ANKRD28: variants seen among roughly 807,000 people sequenced by gnomAD.
ANKRD28 encodes ankyrin repeat domain 28, also known as serine/threonine-protein phosphatase 6 regulatory ankyrin repeat subunit A.
Under a neutral mutation model 126.5 loss-of-function variants are expected in ANKRD28, and 44 were observed. The observed-to-expected ratio is 0.35, with a 90% CI of 0.27 to 0.45. The LOEUF (loss-of-function observed/expected upper bound fraction) is 0.45. ANKRD28 is among the 20% of genes least tolerant of loss of function. ANKRD28 has a pLI of 1.00. For missense variants in ANKRD28, 1,110 were observed against 1,316.6 expected, an observed-to-expected ratio of 0.84 and a Z score of 2.43; for synonymous variants, 442 against 468.5, an observed-to-expected ratio of 0.94 and a Z score of 0.73.
chr3:15,834,499 C>T (rs1449058597), intron 1 of ANKRD28, among the ~76,000 whole-genome samples: 1 of 151,994 alleles, frequency 6.6e-6, no homozygotes, highest in African/African-American at 2.4e-5. Context: ...CCTCCACGTG[C>T]TCTTGAACAT....
intron 14 of ANKRD28, among the ~76,000 whole-genome samples, chr3:15,706,336 T>C (rs981341340): frequency 4.0e-5 from 6 of 150,982 alleles, no homozygotes; most frequent in Non-Finnish European, 5.9e-5. Flanking sequence ...TGAGAACATG[T>C]GGTGTTTGGT....
At chr3:15,718,033 G>T (rs1014706980) in intron 8 of ANKRD28, among the ~76,000 whole-genome samples, 1 of 152,092 alleles carries the variant, frequency 6.6e-6, no homozygotes, top group African/African-American at 2.4e-5. Context: ...TTATAATAAA[G>T]GGCAAGTGTA....
chr3:15,729,792 C>T (rs1447151371), intron 6 of ANKRD28, among the ~76,000 whole-genome samples: 1 of 152,148 alleles, frequency 6.6e-6, no homozygotes, highest in Non-Finnish European at 1.5e-5. Flanking sequence ...TAGATATTTA[C>T]AGCCTCTTTC....
At chr3:15,832,367 A>C (rs1018761387) in intron 1 of ANKRD28, among the ~76,000 whole-genome samples, 3 of 152,208 alleles carry the variant, frequency 2.0e-5, no homozygotes, top group Non-Finnish European at 2.9e-5. Context: ...GTGCTGAGCA[A>C]AAGTGTCTCT....
At chr3:15,754,831 T>C (rs1223782536) in intron 3 of ANKRD28, among the ~76,000 whole-genome samples, 1 of 152,158 alleles carries the variant, frequency 6.6e-6, no homozygotes, top group South Asian at 2.1e-4. Context: ...AATATGTATA[T>C]ATCGGCCGGG....
intron 18 of ANKRD28, among the ~76,000 whole-genome samples, chr3:15,689,307 G>C (rs2068509837): frequency 6.6e-6 from 1 of 152,200 alleles, no homozygotes; most frequent in African/African-American, 2.4e-5. Context: ...CCCTACCTAA[G>C]CTTTGACGGT....
rs564633541 is a variant in ANKRD28 at position 15,773,493 on chromosome 3, T to G, written c.202-7181A>C. On this transcript the variant is annotated intron_variant, in intron 2 of 27. Transcript: ENST00000683139. ...TACAAAAATTAGCTGGGTGTGGTGG[T>G]GTGCGCCTGTAATCCCAGTTACTTG... Among the ~76,000 whole-genome samples, 5 of 152,108 alleles carry G rather than the reference T, an allele frequency of 3.3e-5. No individual in the cohort carries two copies. The South Asian group carries it at 1.0e-3, about 32-fold the overall frequency.
At chr3:15,735,095 TCATA>T (rs1488307757) in intron 6 of ANKRD28, among the ~76,000 whole-genome samples, 5 of 152,190 alleles carry the variant, frequency 3.3e-5, no homozygotes, top group African/African-American at 1.2e-4. Flanking sequence ...CCTTATATTC[TCATA>T]CAAACAAAAA....
rs1160213003 is a variant in ANKRD28 at position 15,668,902 on chromosome 3, C to G, written c.*1368G>C. The G allele has an allele frequency of 1.3e-5, 2 of 152,526 alleles. No individual in the cohort carries two copies. The highest frequency in any genetic ancestry group is 3.8e-4 in the East Asian group (2 of 5,200). The allele number at this position is 152,526 out of a possible 1,614,324, so 9.4% of individuals were successfully genotyped here. A position where few individuals can be genotyped will look rare whatever the true frequency, so the allele number is the denominator to read the frequency against. ...TTTGTTGCAATTTATAGAACTTTACCCATACCTGTAAGACCCTCAATGTAT... is the reference window on the plus strand; with the variant it reads ...TTTGTTGCAATTTATAGAACTTTACGCATACCTGTAAGACCCTCAATGTAT... On this transcript the variant is annotated 3_prime_UTR_variant, in exon 28 of 28. Transcript: ENST00000683139.
intron 1 of ANKRD28, among the ~76,000 whole-genome samples, chr3:15,835,750 A>G (rs942693086): frequency 1.3e-5 from 2 of 152,206 alleles, no homozygotes; most frequent in Admixed American, 6.5e-5. Context: ...ATGATCCCCA[A>G]TTGAGAAGAT....
At position 15,721,096 on chromosome 3, in the gene ANKRD28, G is replaced by A; in HGVS notation, c.815C>T (p.Pro272Leu). ...TCCATTATAGCAGGCTACATGAAGA[G>A]GTGTATTTCCATAGGCATTTGGTTC... ...MNEPNAYGNT[P>L]LHVACYNGQD... Residue 272 changes from proline (P) to leucine (L), a missense_variant, in exon 8 of 28, where the codon CCT (proline) becomes CTT (leucine). Pro to Leu is a moderately conservative substitution (Grantham distance 98). Transcript: ENST00000683139. 6.2e-7 allele frequency: 1 copy of A among 1,613,002 alleles called. No individual in the cohort carries two copies. Among genetic ancestry groups the A allele is most frequent in the Non-Finnish European group, 8.5e-7 (1 of 1,179,540 alleles).
chr3:15,696,179 T>C lies in ANKRD28; in HGVS notation c.1614A>G (p.Ala538=), dbSNP rs917186553. ...GACCATAAGCAGCTGAATAATGAAC[T>C]GCGTTGTATCCTTGCTTATCACGGA... is the stretch of plus-strand genomic sequence containing the variant. ...PGIRDKQGYN[A]VHYSAAYGHR... The change falls in exon 15 of 28, where the codon GCA becomes GCG. Residue 538 remains alanine, a synonymous_variant. Coordinates refer to ENST00000683139, the MANE Select transcript of ANKRD28 (RefSeq NM_001349278.2). 1.3e-6 allele frequency: 2 copies of C among 1,594,818 alleles called. No homozygotes were observed. The highest frequency in any genetic ancestry group is 1.7e-6 in the Non-Finnish European group (2 of 1,168,996).
At chr3:15,859,339 C>A in intron 1 of ANKRD28, 1 of 1,520,688 alleles carries the variant, frequency 6.6e-7, no homozygotes, top group Non-Finnish European at 8.8e-7. Flanking sequence ...CCCTTCCTTC[C>A]CGGACGGCGC....
At chr3:15,743,681 T>C (rs1181265232) in intron 4 of ANKRD28, among the ~76,000 whole-genome samples, 1 of 152,096 alleles carries the variant, frequency 6.6e-6, no homozygotes, top group Non-Finnish European at 1.5e-5. Context: ...CTGAACTATA[T>C]GCTACTCTTA....
intron 1 of ANKRD28, among the ~76,000 whole-genome samples, chr3:15,818,882 A>C (rs2060886378): frequency 6.6e-6 from 1 of 152,220 alleles, no homozygotes; most frequent in East Asian, 1.9e-4. Context: ...TTTTTTGTAG[A>C]AATCAATAAA....
intron 10 of ANKRD28, 21 bp from the exon 11 acceptor site, chr3:15,712,243 C>T (rs1163229974): frequency 6.5e-7 from 1 of 1,528,318 alleles, no homozygotes; most frequent in East Asian, 2.4e-5. Flanking sequence ...TAGAACAGGA[C>T]AGTATCTTCA....
At chr3:15,751,926 T>G (rs2057884926) in intron 3 of ANKRD28, 106 bp from the exon 4 acceptor site, 2 of 730,624 alleles carry the variant, frequency 2.7e-6, no homozygotes, top group Admixed American at 7.5e-5. Context: ...AAATGACAAT[T>G]GAAAAAAAAC....
At chr3:15,776,609 TGA>T (rs1415923536) in intron 2 of ANKRD28, among the ~76,000 whole-genome samples, 1 of 151,990 alleles carries the variant, frequency 6.6e-6, no homozygotes, top group East Asian at 1.9e-4. Flanking sequence ...CGGGTAACAC[TGA>T]GGGGTGGGGT....
intron 2 of ANKRD28, among the ~76,000 whole-genome samples, chr3:15,789,896 A>C (rs2059948818): frequency 6.6e-6 from 1 of 152,068 alleles, no homozygotes; most frequent in African/African-American, 2.4e-5. Context: ...AAAGAGAAGA[A>C]GATCCAAATA....
Sources: allele counts gnomAD v4.1 joint callset (sites outside exome capture counted in the v4.1 genomes callset), GRCh38; gene constraint gnomAD v4.1.1; transcripts MANE v1.5; gene names NCBI Gene and HGNC (gene_info 2026-07-23, HGNC 2026-07-21).